Variants in EML6 observed in about 807,000 individuals in gnomAD.
The protein encoded by EML6 is EMAP like 6.
EML6 carries 154 observed loss-of-function variants against 240.1 expected under a neutral mutation model. That is an observed-to-expected ratio of 0.64 (90% CI 0.56 to 0.73). The LOEUF is 0.73. Among genes scored for constraint, EML6 ranks in the 30% least tolerant of loss-of-function variants. The probability of loss-of-function intolerance (pLI) is 0.00; values close to 1 mark genes in which losing one functional copy is unlikely to be tolerated. For synonymous variants in EML6, 1,148 were observed against 899.0 expected, an observed-to-expected ratio of 1.28 and a Z score of -4.95; for missense variants, 2,964 against 2,474.6, an observed-to-expected ratio of 1.20 and a Z score of -4.20.
rs1385525842 is a variant in EML6 at position 54,859,522 on chromosome 2, A to G, written c.1658-12A>G. ...TTTTCATAACTAATCCTCTCAAAAA[A>G]TATTCTTTCAGGAGCCAAATTTAGA... On this transcript the variant is annotated splice_polypyrimidine_tract_variant and intron_variant, in intron 11 of 41. Coordinates refer to ENST00000356458, the MANE Select transcript of EML6 (RefSeq NM_001039753.4). The G allele has an allele frequency of 6.5e-7, 1 of 1,547,624 alleles. No individual in the cohort carries two copies. The highest frequency in any genetic ancestry group is 8.7e-7 in the Non-Finnish European group (1 of 1,145,192).
chr2:54,877,758 C>T (rs185038820), intron 16 of EML6, among the ~76,000 whole-genome samples: 1 of 152,362 alleles, frequency 6.6e-6, no homozygotes, highest in Admixed American at 6.5e-5. Flanking sequence ...GTGTTAACGT[C>T]TTCATCTAAT....
intron 8 of EML6, among the ~76,000 whole-genome samples, chr2:54,845,930 TA>T (rs1669726959): frequency 1.3e-5 from 2 of 152,302 alleles, no homozygotes; most frequent in African/African-American, 4.8e-5. Context: ...GACTATATTT[TA>T]AAAAGTACTA....
At chr2:54,850,681 A>G (rs1670029473) in intron 10 of EML6, among the ~76,000 whole-genome samples, 1 of 152,244 alleles carries the variant, frequency 6.6e-6, no homozygotes, top group Admixed American at 6.5e-5. Flanking sequence ...ATTTTACACT[A>G]TTTAGACTGG....
intron 15 of EML6, among the ~76,000 whole-genome samples, chr2:54,869,824 T>G (rs1429095521): frequency 1.3e-5 from 2 of 152,166 alleles, no homozygotes; most frequent in Non-Finnish European, 2.9e-5. Flanking sequence ...CACCTTGAAT[T>G]TTATCTGAAC....
intron 2 of EML6, among the ~76,000 whole-genome samples, chr2:54,797,211 G>T (rs1185666234): frequency 7.0e-6 from 1 of 142,768 alleles, no homozygotes; most frequent in African/African-American, 2.5e-5. Context: ...TAGGTCTAAG[G>T]TTGAGTCTGA....
At position 54,813,218 on chromosome 2, in the gene EML6, C is replaced by A. The variant is rs548617389; in HGVS notation, c.198-14C>A. 20 of 1,529,314 alleles carry A rather than the reference C, an allele frequency of 1.3e-5. No individual in the cohort carries two copies. Among genetic ancestry groups the A allele is most frequent in the Non-Finnish European group, 1.8e-5 (20 of 1,135,196 alleles). 94.7% of individuals were successfully genotyped at this position (1,529,314 alleles called of 1,614,324 possible). A position where few individuals can be genotyped will look rare whatever the true frequency, so the allele number is the denominator to read the frequency against. Reference sequence around the variant, plus strand: ...TCAGTTGGAAGATGTGAAAAGAAACCTTTTCTCTTTCAGCCTTGCCTTACA... The same window carrying A: ...TCAGTTGGAAGATGTGAAAAGAAACATTTTCTCTTTCAGCCTTGCCTTACA... On this transcript the variant is annotated splice_polypyrimidine_tract_variant and intron_variant, in intron 2 of 41. Coordinates refer to ENST00000356458, the MANE Select transcript of EML6 (RefSeq NM_001039753.4).
At chr2:54,942,788 C>T (rs571532054) in intron 28 of EML6, among the ~76,000 whole-genome samples, 3 of 152,196 alleles carry the variant, frequency 2.0e-5, no homozygotes, top group Non-Finnish European at 4.4e-5. Flanking sequence ...AGTGTCTTAA[C>T]CAGCTGTCCT....
At chr2:54,931,299 C>T (rs1040643405) in intron 28 of EML6, among the ~76,000 whole-genome samples, 3 of 152,100 alleles carry the variant, frequency 2.0e-5, no homozygotes, top group African/African-American at 7.2e-5. Flanking sequence ...CATTGCCAGG[C>T]AAGGCAGGGC....
chr2:54,918,642 C>A (rs182209241), intron 26 of EML6, among the ~76,000 whole-genome samples: 1 of 152,058 alleles, frequency 6.6e-6, no homozygotes. Flanking sequence ...CCACCATACC[C>A]AGCTGTCATT....
chr2:54,890,986 A>G, intron 17 of EML6, 68 bp from the exon 18 acceptor site: 1 of 746,358 alleles, frequency 1.3e-6, no homozygotes, highest in East Asian at 2.8e-5. Context: ...GACCAAATGC[A>G]TGCTTTTAAT....
chr2:54,795,747 A>T (rs1669731653), intron 2 of EML6, among the ~76,000 whole-genome samples: 1 of 152,214 alleles, frequency 6.6e-6, no homozygotes, highest in Non-Finnish European at 1.5e-5. Context: ...CTAGCATAAT[A>T]TGTGATTTCC....
rs1668103321 is a variant in EML6, at chr2:54,816,853, C to G, written c.424C>G (p.Leu142Val). The change falls in exon 4 of 42, where the codon CTT (leucine) becomes GTT (valine). Residue 142 changes from leucine to valine, a missense_variant. By Grantham distance (32) the Leu-to-Val change is conservative. Coordinates refer to ENST00000356458, the MANE Select transcript of EML6 (RefSeq NM_001039753.4). ...VCIWDWRKGK[L>V]LASATGHSDR... Reference sequence around the variant, plus strand: ...CATTTGGGACTGGAGGAAGGGAAAACTTCTGGCGTCAGCCACCGGCCATTC... The same window carrying G: ...CATTTGGGACTGGAGGAAGGGAAAAGTTCTGGCGTCAGCCACCGGCCATTC... 1 of 1,551,398 alleles carries G rather than the reference C, an allele frequency of 6.4e-7. No homozygotes were observed. Among genetic ancestry groups the G allele is most frequent in the Non-Finnish European group, 8.7e-7 (1 of 1,146,826 alleles).
In EML6 at chr2:54,968,110, C is replaced by T; in HGVS notation, c.5598-18C>T. 1 of 1,549,826 alleles carries T rather than the reference C, an allele frequency of 6.5e-7. No individual in the cohort carries two copies. The highest frequency in any genetic ancestry group is 2.5e-5 in the East Asian group (1 of 40,484). On this transcript the variant is annotated intron_variant, in intron 39 of 41. Transcript: ENST00000356458. ...CCGTGACTTCCTTCTATCCTAACCC[C>T]TCTTTCTGTTGGAACAGCGTCCTGG...
intron 2 of EML6, among the ~76,000 whole-genome samples, chr2:54,785,727 C>T (rs569573731): frequency 1.3e-5 from 2 of 151,960 alleles, no homozygotes; most frequent in East Asian, 1.9e-4. Context: ...TAAAATAGAC[C>T]AGTGTTTACA....
intron 2 of EML6, among the ~76,000 whole-genome samples, chr2:54,797,895 T>C (rs926310967): frequency 1.1e-4 from 17 of 152,182 alleles, no homozygotes; most frequent in Admixed American, 6.5e-5. Flanking sequence ...AATTTAGCTT[T>C]ATATTAAATC....
At position 54,844,203 on chromosome 2, in the gene EML6, C is replaced by G. The variant is rs1240008199; in HGVS notation, c.1004C>G (p.Pro335Arg). Reference protein sequence around the residue: ...EGELWALALHPKKPLAVTGSD... With the variant: ...EGELWALALHRKKPLAVTGSD... ...GAGCTCTGGGCTCTGGCCCTGCACC[C>G]CAAGAAGCCTCTGGCTGTGACAGGC... The change falls in exon 8 of 42, where the codon CCC becomes CGC. Residue 335 changes from proline to arginine, a missense_variant. Transcript: ENST00000356458. 3.2e-6 allele frequency: 5 copies of G among 1,551,696 alleles called. No individual in the cohort carries two copies. Among genetic ancestry groups the G allele is most frequent in the Non-Finnish European group, 4.4e-6 (5 of 1,146,998 alleles).
intron 2 of EML6, among the ~76,000 whole-genome samples, chr2:54,810,590 G>C (rs1293614384): frequency 6.6e-6 from 1 of 152,188 alleles, no homozygotes; most frequent in Non-Finnish European, 1.5e-5. Context: ...TCTCTTGAAA[G>C]TGTTTCTGGC....
intron 17 of EML6, among the ~76,000 whole-genome samples, chr2:54,886,734 G>A (rs758302325): frequency 6.6e-6 from 1 of 152,158 alleles, no homozygotes; most frequent in African/African-American, 2.4e-5. Flanking sequence ...TATTTTCTTT[G>A]TAGAATAGAG....
rs556569301 is a variant in EML6 at position 54,876,928 on chromosome 2, A to G, written c.2345-2619A>G. ...CCTTAATATGTAATATAACACCAGA[A>G]CTTACTCTTCCTAACTGTAGCTTTG... is the stretch of plus-strand genomic sequence containing the variant. On this transcript the variant is annotated intron_variant, in intron 16 of 41. Transcript: ENST00000356458. 6.6e-5 allele frequency among the ~76,000 whole-genome samples: 10 copies of G among 152,094 alleles called. No individual in the cohort carries two copies. The South Asian group carries it at 2.1e-3, about 32-fold the overall frequency.
Sources: gnomAD v4.1 joint callset for allele counts (sites outside exome capture counted in the v4.1 genomes callset) on GRCh38, gnomAD v4.1.1 for gene constraint, MANE v1.5 for transcripts, NCBI Gene and HGNC (gene_info 2026-07-23, HGNC 2026-07-21) for gene names.